Variants in GALNT18 observed in about 807,000 individuals in gnomAD.
GALNT18 encodes GalNAc-transferase 18.
Under a neutral mutation model 69.5 loss-of-function variants are expected in GALNT18, and 44 were observed. The ratio of observed to expected loss-of-function variants is 0.63; its 90% CI spans 0.50 to 0.81. The LOEUF (loss-of-function observed/expected upper bound fraction) is 0.81, where lower values mean the gene tolerates loss of function less well. Among genes scored for constraint, GALNT18 ranks in the 40% least tolerant of loss-of-function variants. The pLI is 0.00. For missense variants in GALNT18, 715 were observed against 810.0 expected (o/e 0.88, Z 1.42); for synonymous variants, 364 against 318.2 (o/e 1.14, Z -1.53).
intron 3 of GALNT18, among the ~76,000 whole-genome samples, chr11:11,426,160 G>T (rs561519333): frequency 1.3e-5 from 2 of 152,284 alleles, no homozygotes; most frequent in African/African-American, 4.8e-5. Flanking sequence ...GGAGGCTCAG[G>T]GTTGATCATC....
intron 1 of GALNT18, among the ~76,000 whole-genome samples, chr11:11,512,724 G>A (rs549905387): frequency 1.3e-5 from 2 of 152,274 alleles, no homozygotes; most frequent in South Asian, 2.1e-4. Flanking sequence ...AGAGTCTGGC[G>A]GCACCTGAGG....
At chr11:11,414,759 C>T (rs868043031) in intron 3 of GALNT18, among the ~76,000 whole-genome samples, 6 of 152,128 alleles carry the variant, frequency 3.9e-5, no homozygotes, top group Non-Finnish European at 8.8e-5. Flanking sequence ...GCCTTGCACA[C>T]GGTTAGTGAT....
chr11:11,375,800 C>T (rs748299078), intron 5 of GALNT18, among the ~76,000 whole-genome samples: 9 of 152,130 alleles, frequency 5.9e-5, no homozygotes, highest in Non-Finnish European at 8.8e-5. Flanking sequence ...TGGCAGGGGC[C>T]GAGCAGAGTA....
intron 1 of GALNT18, among the ~76,000 whole-genome samples, chr11:11,561,073 C>T (rs372778485): frequency 6.6e-6 from 1 of 152,198 alleles, no homozygotes; most frequent in South Asian, 2.1e-4. Context: ...TTTACTAGAA[C>T]AATGAATAAC....
At chr11:11,479,589 T>TC (rs1274935116) in intron 1 of GALNT18, among the ~76,000 whole-genome samples, 1 of 44,440 alleles carries the variant, frequency 2.3e-5, no homozygotes, top group Non-Finnish European at 5.6e-5. Context: ...CTATTTGAGG[T>TC]TTTTTAACTA....
intron 1 of GALNT18, among the ~76,000 whole-genome samples, chr11:11,471,436 G>A (rs10765855): frequency 0.62 from 94,811 of 152,016 alleles, 29,867 homozygotes; most frequent in African/African-American, 0.7. Flanking sequence ...TTCCATCTCC[G>A]TGGCATCATG....
At position 11,616,660 on chromosome 11, in the gene GALNT18, G is replaced by T. The variant is rs2133972699; in HGVS notation, c.235+4699C>A. 6.6e-6 allele frequency among the ~76,000 whole-genome samples: 1 copy of T among 152,292 alleles called. No homozygotes were observed. Among genetic ancestry groups the T allele is most frequent in the African/African-American group, 2.4e-5 (1 of 41,550 alleles). ...TCAATTCTCCAGATTAACTATGCTT[G>T]CCATTCCCTCTGTAACAAACCCTAT... On this transcript the variant is annotated intron_variant, in intron 1 of 10. Transcript: ENST00000227756. The surrounding 1 kb of genome is among the most constrained non-coding windows in gnomAD (Gnocchi z 4.4).
At chr11:11,437,560 G>A (rs532353956) in intron 2 of GALNT18, among the ~76,000 whole-genome samples, 1 of 152,156 alleles carries the variant, frequency 6.6e-6, no homozygotes, top group East Asian at 1.9e-4. Context: ...TGTGAGAGGC[G>A]GGGAAGCAGT....
intron 1 of GALNT18, among the ~76,000 whole-genome samples, chr11:11,516,088 GCC>G (rs750864303): frequency 1.4e-4 from 21 of 152,222 alleles, no homozygotes; most frequent in Non-Finnish European, 2.6e-4. Flanking sequence ...AGTGAGATGG[GCC>G]GTCACCACAG....
intron 3 of GALNT18, among the ~76,000 whole-genome samples, chr11:11,385,986 T>C (rs2133704515): frequency 6.6e-6 from 1 of 152,196 alleles, no homozygotes; most frequent in African/African-American, 2.4e-5. Context: ...GTGATGTATC[T>C]CTAAGCCAAG....
chr11:11,440,487 G>A (rs751446309), intron 2 of GALNT18, among the ~76,000 whole-genome samples: 4 of 152,224 alleles, frequency 2.6e-5, no homozygotes, highest in Non-Finnish European at 4.4e-5. Context: ...TAGATCCGCA[G>A]GGCAAGGGAA....
In GALNT18 at chr11:11,332,959, G is replaced by A. The variant is rs763522471; in HGVS notation, c.1279-128C>T. 14 of 964,204 alleles carry A rather than the reference G, an allele frequency of 1.5e-5. No individual in the cohort carries two copies. Among genetic ancestry groups the A allele is most frequent in the Non-Finnish European group, 2.0e-5 (13 of 639,176 alleles). 59.7% of individuals were successfully genotyped at this position (964,204 alleles called of 1,614,324 possible). A position where few individuals can be genotyped will look rare whatever the true frequency, so the allele number is the denominator to read the frequency against. On this transcript the variant is annotated intron_variant, in intron 7 of 10. Coordinates refer to ENST00000227756, the MANE Select transcript of GALNT18 (RefSeq NM_198516.3). This position sits in a 1 kb window ranked among gnomAD's most constrained non-coding sequence, Gnocchi z 4.3. ...GACTGGGGAAGGGACCATGTGGCAC[G>A]TTAACTCTTGCATTTTCCCACGGGT...
chr11:11,364,571 G>C (rs541269980), intron 6 of GALNT18, among the ~76,000 whole-genome samples: 2 of 152,142 alleles, frequency 1.3e-5, no homozygotes, highest in South Asian at 4.1e-4. Flanking sequence ...AAAAGAGATG[G>C]AGAAAGATAT....
chr11:11,495,735 C>A (rs1009726630), intron 1 of GALNT18, among the ~76,000 whole-genome samples: 4 of 152,156 alleles, frequency 2.6e-5, no homozygotes, highest in Admixed American at 6.5e-5. Context: ...CCAGAAAGCC[C>A]TTGTGAATCC....
intron 1 of GALNT18, among the ~76,000 whole-genome samples, chr11:11,492,575 G>C (rs1029314377): frequency 6.6e-6 from 1 of 152,130 alleles, no homozygotes; most frequent in African/African-American, 2.4e-5. Flanking sequence ...CCATAAAAAA[G>C]AATGAGTTCA....
At chr11:11,513,199 G>A (rs1186631583) in intron 1 of GALNT18, among the ~76,000 whole-genome samples, 1 of 152,194 alleles carries the variant, frequency 6.6e-6, no homozygotes, top group South Asian at 2.1e-4. Flanking sequence ...TGACCTTAGG[G>A]AAGGCACTGC....
chr11:11,532,370 C>T (rs867305183), intron 1 of GALNT18, among the ~76,000 whole-genome samples: 5 of 152,192 alleles, frequency 3.3e-5, no homozygotes, highest in Non-Finnish European at 7.3e-5. Flanking sequence ...TCAGAGTCTT[C>T]GGATAACTAT....
chr11:11,408,364 CAAAAAAAAAAAAAAAA>C (rs57957956), intron 3 of GALNT18, among the ~76,000 whole-genome samples: 2 of 70,900 alleles, frequency 2.8e-5, no homozygotes, highest in Non-Finnish European at 5.8e-5. Flanking sequence ...GACTTCATCT[CAAAAAAAAAAAAAAAA>C]AAAAAAAAAA....
intron 3 of GALNT18, among the ~76,000 whole-genome samples, chr11:11,386,040 G>T (rs1854049249): frequency 6.6e-6 from 1 of 152,076 alleles, no homozygotes; most frequent in Admixed American, 6.6e-5. Context: ...CTAGGAGAGG[G>T]GCATGCAACA....
Sources: allele counts gnomAD v4.1 joint callset (sites outside exome capture counted in the v4.1 genomes callset), GRCh38; gene constraint gnomAD v4.1.1; non-coding constraint Gnocchi (gnomAD v3.1); transcripts MANE v1.5; gene names NCBI Gene and HGNC (gene_info 2026-07-23, HGNC 2026-07-21).